Variants in DAZAP1 observed in about 807,000 individuals in gnomAD.
DAZAP1 encodes DAZ associated protein 1, also known as DAZ-associated protein 1.
DAZAP1 carries 6 observed loss-of-function variants against 60.1 expected under a neutral mutation model. That is an observed-to-expected ratio of 0.10 (90% confidence interval 0.05 to 0.20). The LOEUF (loss-of-function observed/expected upper bound fraction) is 0.20, where lower values mean the gene tolerates loss of function less well. Among genes scored for constraint, DAZAP1 ranks in the 10% least tolerant of loss-of-function variants. DAZAP1 has a pLI of 1.00. For missense variants in DAZAP1, 366 were observed against 560.4 expected (o/e 0.65, Z 3.50); for synonymous variants, 235 against 215.9 (o/e 1.09, Z -0.78).
chr19:1,414,225 C>T (rs2082910481), intron 1 of DAZAP1, among the ~76,000 whole-genome samples: 1 of 151,850 alleles, frequency 6.6e-6, no homozygotes, highest in Admixed American at 6.6e-5. Context: ...GCCATGTTGG[C>T]CAGGCTGGTC....
In DAZAP1 at chr19:1,428,467, T is replaced by A. The variant is rs2083358395; in HGVS notation, c.547-375T>A. 1 of 194,054 alleles carries A rather than the reference T, an allele frequency of 5.2e-6. No individual in the cohort carries two copies. Among genetic ancestry groups the A allele is most frequent in the Admixed American group, 5.4e-5 (1 of 18,488 alleles). The allele number at this position is 194,054 out of a possible 1,614,324, so 12.0% of individuals were successfully genotyped here. A position where few individuals can be genotyped will look rare whatever the true frequency, so the allele number is the denominator to read the frequency against. ...ATGAGGATGCCGATTGCTGGGAAGA[T>A]CCTGGTCCCTTTTTGTCCCCATGTT... On this transcript the variant is annotated intron_variant, in intron 7 of 11. Coordinates refer to ENST00000233078, the MANE Select transcript of DAZAP1 (RefSeq NM_018959.4). The surrounding 1 kb of genome is among the most constrained non-coding windows in gnomAD (Gnocchi z 4.0).
At position 1,423,808 on chromosome 19, in the gene DAZAP1, C is replaced by T. The variant is rs1399877013; in HGVS notation, c.463+1412C>T. Among the ~76,000 whole-genome samples the T allele has an allele frequency of 6.6e-6, 1 of 152,122 alleles. No homozygotes were observed. The highest frequency in any genetic ancestry group is 1.5e-5 in the Non-Finnish European group (1 of 67,992). ...TCCTCCCGGTCCCCCTCCGGCTGCC[C>T]AGAGCTGGCGCCCCTTCTCCTCGCG... On this transcript the variant is annotated intron_variant, in intron 6 of 11. Transcript: ENST00000233078. The surrounding 1 kb of genome is among the most constrained non-coding windows in gnomAD (Gnocchi z 6.8).
intron 10 of DAZAP1, chr19:1,431,995 AGGCCTGT>A (rs1330174601): frequency 6.0e-6 from 1 of 166,566 alleles, no homozygotes; most frequent in African/African-American, 2.4e-5. Context: ...CTGCACACGG[AGGCCTGT>A]GGGCCAGATG....
rs762345103 is a variant in DAZAP1 at position 1,422,321 on chromosome 19, C to T, written c.415-27C>T. 19 of 1,612,092 alleles carry T rather than the reference C, an allele frequency of 1.2e-5. No individual in the cohort carries two copies. Among genetic ancestry groups the T allele is most frequent in the Admixed American group, 1.7e-5 (1 of 59,980 alleles). On this transcript the variant is annotated intron_variant, in intron 5 of 11. Coordinates refer to ENST00000233078, the MANE Select transcript of DAZAP1 (RefSeq NM_018959.4). This position sits in a 1 kb window ranked among gnomAD's most constrained non-coding sequence, Gnocchi z 4.5. ...CACCTGTGGTGCTGGCCCTGGTGTC[C>T]GTGCTGACGCCACCCTCTCCTTCCA...
chr19:1,433,038 C>T lies in DAZAP1; in HGVS notation c.1048+348C>T. On this transcript the variant is annotated intron_variant, in intron 11 of 11. Transcript: ENST00000233078. This position sits in a 1 kb window ranked among gnomAD's most constrained non-coding sequence, Gnocchi z 6.1. ...GCCCTCGGTGTGGGTCCCGGGTGCA[C>T]TGGCCCCTTGGTGGGTTCCAGTTTC... The T allele has an allele frequency of 4.0e-6, 1 of 249,098 alleles. No individual in the cohort carries two copies. The highest frequency in any genetic ancestry group is 7.8e-6 in the Non-Finnish European group (1 of 128,720). 15.4% of individuals were successfully genotyped at this position (249,098 alleles called of 1,614,324 possible).
chr19:1,429,310 C>G (rs575571485), intron 8 of DAZAP1, among the ~76,000 whole-genome samples: 2 of 152,372 alleles, frequency 1.3e-5, no homozygotes, highest in African/African-American at 4.8e-5. Context: ...GCACGAAACC[C>G]TGAGAGGGCT....
intron 1 of DAZAP1, among the ~76,000 whole-genome samples, chr19:1,413,648 A>C (rs1264539231): frequency 6.6e-6 from 1 of 152,186 alleles, no homozygotes; most frequent in East Asian, 1.9e-4. Context: ...ACAGAAACAC[A>C]CAGTGTGGCC....
At chr19:1,411,150 G>A (rs916423673) in intron 1 of DAZAP1, among the ~76,000 whole-genome samples, 2 of 152,244 alleles carry the variant, frequency 1.3e-5, no homozygotes, top group African/African-American at 2.4e-5. Context: ...CTGTTGCAGT[G>A]CGGGGAGTGA....
rs1253975142 is a variant in DAZAP1, at chr19:1,422,734, T to C, written c.463+338T>C. Among the ~76,000 whole-genome samples the C allele has an allele frequency of 1.3e-5, 2 of 152,146 alleles. No homozygotes were observed. Among genetic ancestry groups the C allele is most frequent in the Non-Finnish European group, 2.9e-5 (2 of 68,026 alleles). ...CTTCACCCTCATCCAGTCCTCCCAG[T>C]GTGGCCGGTCTCATTTCGTGTCGTC... On this transcript the variant is annotated intron_variant, in intron 6 of 11. Coordinates refer to ENST00000233078, the MANE Select transcript of DAZAP1 (RefSeq NM_018959.4). This position sits in a 1 kb window ranked among gnomAD's most constrained non-coding sequence, Gnocchi z 4.5.
At chr19:1,421,988 A>G (rs551262464) in intron 5 of DAZAP1, among the ~76,000 whole-genome samples, 144 of 152,256 alleles carry the variant, frequency 9.5e-4, no homozygotes, top group Non-Finnish European at 1.8e-3. Flanking sequence ...TTTGGGTGGG[A>G]AGGGCTTCTG....
intron 4 of DAZAP1, among the ~76,000 whole-genome samples, chr19:1,419,890 G>A (rs558550133): frequency 2.4e-5 from 3 of 127,354 alleles, no homozygotes; most frequent in South Asian, 2.6e-4. Context: ...CTCACCCCAC[G>A]CACACACTCA....
chr19:1,430,034 G>A, intron 9 of DAZAP1, 38 bp downstream of exon 9: 1 of 1,577,770 alleles, frequency 6.3e-7, no homozygotes, highest in Non-Finnish European at 8.6e-7. Flanking sequence ...GGGGACAGAA[G>A]CCACATGGCA....
At chr19:1,419,845 T>A (rs2083096969) in intron 4 of DAZAP1, among the ~76,000 whole-genome samples, 1 of 138,954 alleles carries the variant, frequency 7.2e-6, no homozygotes, top group Non-Finnish European at 1.5e-5. Flanking sequence ...ACGCACACAC[T>A]CGTGAAACCA....
In DAZAP1 at chr19:1,421,248, A is replaced by G; in HGVS notation, c.404A>G (p.Lys135Arg). 3 of 1,614,068 alleles carry G rather than the reference A, an allele frequency of 1.9e-6. No homozygotes were observed. The highest frequency in any genetic ancestry group is 2.5e-6 in the Non-Finnish European group (3 of 1,179,916). ...ACAGAGCTCAGGGAATACTTCAAGA[A>G]GTTCGGAGTGGTGAGTTTCTCCCCA... ...GETELREYFK[K>R]FGVVTEVVMI... Residue 135 changes from lysine to arginine, a missense_variant, in exon 5 of 12, where the codon AAG becomes AGG. This residue lies in a region of DAZAP1 where 28 missense variants were observed against 96.3 expected (regional missense o/e 0.29). Coordinates refer to ENST00000233078, the MANE Select transcript of DAZAP1 (RefSeq NM_018959.4).
Position 1,425,339 on chromosome 19 carries a change from G to A in DAZAP1, c.464-539G>A, listed in dbSNP as rs1261777374. ...CTGCAAAGCAAATTGCAAGCCAAGG[G>A]GGAGAATCCTGGGTTTCAGAGAAGC... On this transcript the variant is annotated intron_variant, in intron 6 of 11. Transcript: ENST00000233078. The surrounding 1 kb of genome is among the most constrained non-coding windows in gnomAD (Gnocchi z 5.4). 6.6e-6 allele frequency among the ~76,000 whole-genome samples: 1 copy of A among 152,194 alleles called. No individual in the cohort carries two copies. Among genetic ancestry groups the A allele is most frequent in the Non-Finnish European group, 1.5e-5 (1 of 68,026 alleles).
chr19:1,413,270 C>T (rs2082880251), intron 1 of DAZAP1, among the ~76,000 whole-genome samples: 1 of 152,236 alleles, frequency 6.6e-6, no homozygotes, highest in Admixed American at 6.5e-5. Flanking sequence ...TCCTGGACTC[C>T]GACGTTTACT....
At chr19:1,409,420 TG>T (rs1419526401) in intron 1 of DAZAP1, among the ~76,000 whole-genome samples, 1 of 152,054 alleles carries the variant, frequency 6.6e-6, no homozygotes, top group Non-Finnish European at 1.5e-5. Context: ...CCTTGGGAAG[TG>T]GGGCAGCTGG....
At position 1,432,261 on chromosome 19, in the gene DAZAP1, C is replaced by T. The variant is rs566198939; in HGVS notation, c.872-253C>T. On this transcript the variant is annotated intron_variant, in intron 10 of 11. Transcript: ENST00000233078. The surrounding 1 kb of genome is among the most constrained non-coding windows in gnomAD (Gnocchi z 4.9). Reference sequence around the variant, plus strand: ...TCTGAGGCCCACCTGGCGGCTGCTCCGTGAGGAACGAGGTGGCCCTGCTGC... The same window carrying T: ...TCTGAGGCCCACCTGGCGGCTGCTCTGTGAGGAACGAGGTGGCCCTGCTGC... 741 of 546,096 alleles carry T rather than the reference C, an allele frequency of 1.4e-3. No homozygotes were observed. Among genetic ancestry groups the T allele is most frequent in the Non-Finnish European group, 2.1e-3 (635 of 308,036 alleles). The allele number at this position is 546,096 out of a possible 1,614,324, so 33.8% of individuals were successfully genotyped here. A position where few individuals can be genotyped will look rare whatever the true frequency, so the allele number is the denominator to read the frequency against.
chr19:1,429,098 C>T, intron 8 of DAZAP1, 103 bp downstream of exon 8: 1 of 1,357,374 alleles, frequency 7.4e-7, no homozygotes, highest in Non-Finnish European at 9.7e-7. Flanking sequence ...CTCTGCTGTG[C>T]ATGCACAGAG....
Sources: gnomAD v4.1 joint callset for allele counts (sites outside exome capture counted in the v4.1 genomes callset) on GRCh38, gnomAD v4.1.1 for gene constraint, gnomAD v4.1.1 regional missense constraint, Gnocchi (gnomAD v3.1) non-coding constraint, MANE v1.5 for transcripts, NCBI Gene and HGNC (gene_info 2026-07-23, HGNC 2026-07-21) for gene names.